The following FARS2 variants were observed in gnomAD, a reference collection of about 807,000 sequenced individuals.
FARS2 encodes the protein phenylalanine--tRNA ligase, mitochondrial.
In FARS2, 40 loss-of-function variants were observed where a neutral mutation model predicts 46.4. That is an observed-to-expected ratio of 0.86 (90% confidence interval 0.67 to 1.12). The LOEUF is 1.12. Ranked by LOEUF, FARS2 falls within the 50% of genes most tolerant of loss-of-function variation. The probability of loss-of-function intolerance (pLI) is 0.00; values close to 1 mark genes in which losing one functional copy is unlikely to be tolerated. For missense variants in FARS2, 513 were observed against 567.9 expected (o/e 0.90, Z 0.98); for synonymous variants, 234 against 214.9 (o/e 1.09, Z -0.78).
rs975217655 is a variant in FARS2 at position 5,633,242 on chromosome 6, G to A, written c.1217+19922G>A. The stretch of plus-strand genomic sequence containing the variant: ...ACCTCCTGAGTAACAAGGACTACAG[G>A]TACATGCCACCATCCCTGGCTTTTT... On this transcript the variant is annotated intron_variant, in intron 6 of 6. Transcript: ENST00000274680. 4.3e-5 allele frequency among the ~76,000 whole-genome samples: 6 copies of A among 141,154 alleles called. No individual in the cohort carries two copies. In the Admixed American group the frequency reaches 4.4e-4, roughly 10 times the overall value. The allele number at this position is 141,154 out of a possible 152,430, so 92.6% of individuals were successfully genotyped here. A position where few individuals can be genotyped will look rare whatever the true frequency, so the allele number is the denominator to read the frequency against.
intron 6 of FARS2, among the ~76,000 whole-genome samples, chr6:5,708,645 C>A (rs913899973): frequency 5.3e-5 from 8 of 151,882 alleles, no homozygotes; most frequent in African/African-American, 1.9e-4. Flanking sequence ...CCTTCTACAC[C>A]CCCACACACC....
intron 2 of FARS2, among the ~76,000 whole-genome samples, chr6:5,382,936 G>A (rs1388226753): frequency 6.6e-6 from 1 of 152,248 alleles, no homozygotes; most frequent in Non-Finnish European, 1.5e-5. Flanking sequence ...TTCTTCCTCA[G>A]CATTTTATTC....
chr6:5,400,017 A>G (rs963418567), intron 2 of FARS2, among the ~76,000 whole-genome samples: 1 of 152,170 alleles, frequency 6.6e-6, no homozygotes, highest in African/African-American at 2.4e-5. Flanking sequence ...ATCAACAAAT[A>G]TGTAGTTTTG....
chr6:5,301,847 A>ACACACAC (rs57552015), intron 1 of FARS2, among the ~76,000 whole-genome samples: 5 of 150,142 alleles, frequency 3.3e-5, no homozygotes, highest in African/African-American at 7.4e-5. Flanking sequence ...ACACACACAC[A>ACACACAC]AAGAAAATGG....
intron 3 of FARS2, among the ~76,000 whole-genome samples, chr6:5,427,646 C>T (rs4960090): frequency 0.16 from 23,959 of 152,062 alleles, 2,547 homozygotes; most frequent in East Asian, 0.46. Flanking sequence ...TCCATTAAAT[C>T]GTTCGTGTTT....
rs138146757 is a variant in FARS2, at chr6:5,549,338, C to A, written c.1065+3998C>A. Among the ~76,000 whole-genome samples, 38 of 152,302 alleles carry A rather than the reference C, an allele frequency of 2.5e-4. No individual in the cohort carries two copies. The East Asian group carries it at 5.6e-3, about 22-fold the overall frequency. ...TAATGTTATCCCTCCCTCTTCCCCCCACTCCACGACAGACCCTGGTGTGTG... is the reference window on the plus strand; with the variant it reads ...TAATGTTATCCCTCCCTCTTCCCCCAACTCCACGACAGACCCTGGTGTGTG... On this transcript the variant is annotated intron_variant, in intron 5 of 6. Coordinates refer to ENST00000274680, the MANE Select transcript of FARS2 (RefSeq NM_006567.5).
At chr6:5,543,537 G>A (rs1008972919) in intron 4 of FARS2, among the ~76,000 whole-genome samples, 2 of 151,950 alleles carry the variant, frequency 1.3e-5, no homozygotes, top group Non-Finnish European at 2.9e-5. Context: ...GCTAAATTTT[G>A]TACTTTTGGT....
At chr6:5,437,909 A>C (rs574180840) in intron 4 of FARS2, among the ~76,000 whole-genome samples, 9 of 152,156 alleles carry the variant, frequency 5.9e-5, no homozygotes, top group Admixed American at 5.9e-4. Context: ...CTTCAATAAG[A>C]AAAACTTTCC....
intron 4 of FARS2, among the ~76,000 whole-genome samples, chr6:5,462,050 C>G (rs1390074305): frequency 6.6e-6 from 1 of 152,162 alleles, no homozygotes; most frequent in Admixed American, 6.5e-5. Flanking sequence ...TCTAGTTTCT[C>G]TACATCTTCA....
intron 4 of FARS2, among the ~76,000 whole-genome samples, chr6:5,535,361 G>A (rs1344892315): frequency 6.6e-6 from 1 of 152,266 alleles, no homozygotes; most frequent in Non-Finnish European, 1.5e-5. Flanking sequence ...TTTGTATCAT[G>A]CAACTTTACT....
At chr6:5,432,241 A>T (rs1302202394) in intron 4 of FARS2, among the ~76,000 whole-genome samples, 1 of 144,994 alleles carries the variant, frequency 6.9e-6, no homozygotes, top group African/African-American at 2.5e-5. Context: ...ACTTGAACCC[A>T]GGAGGCGGAG....
At chr6:5,323,806 C>G (rs1770152100) in intron 1 of FARS2, among the ~76,000 whole-genome samples, 1 of 152,192 alleles carries the variant, frequency 6.6e-6, no homozygotes, top group Admixed American at 6.5e-5. Context: ...TCACCTTGAT[C>G]AGAAACCGCC....
chr6:5,562,695 TACACAC>T (rs35980009), intron 5 of FARS2, among the ~76,000 whole-genome samples: 17 of 135,698 alleles, frequency 1.3e-4, no homozygotes, highest in Non-Finnish European at 2.5e-4. Flanking sequence ...CTGTAATTTA[TACACAC>T]ACACACACAC....
chr6:5,638,559 T>G (rs939145215), intron 6 of FARS2, among the ~76,000 whole-genome samples: 2 of 152,180 alleles, frequency 1.3e-5, no homozygotes, highest in African/African-American at 4.8e-5. Context: ...AGCGAGACTC[T>G]GTCTCAAAAA....
intron 3 of FARS2, among the ~76,000 whole-genome samples, chr6:5,412,318 G>A (rs1761982666): frequency 6.6e-6 from 1 of 152,212 alleles, no homozygotes; most frequent in Non-Finnish European, 1.5e-5. Context: ...CCCTCCATGG[G>A]CCATTCTGAT....
intron 1 of FARS2, among the ~76,000 whole-genome samples, chr6:5,283,955 G>A (rs377599784): frequency 2.4e-4 from 37 of 152,264 alleles, no homozygotes; most frequent in Middle Eastern, 3.4e-3. Flanking sequence ...ATTGCTTGCC[G>A]AAATAAAGGA....
chr6:5,320,973 C>T (rs1276389705), intron 1 of FARS2, among the ~76,000 whole-genome samples: 2 of 152,158 alleles, frequency 1.3e-5, no homozygotes, highest in African/African-American at 4.8e-5. Flanking sequence ...GCCATTTAGA[C>T]CACAGCAGGA....
At chr6:5,253,029 T>C in the FARS2 span, among the ~76,000 whole-genome samples, 11 of 152,240 alleles carry the variant, frequency 7.2e-5, no homozygotes, top group Non-Finnish European at 1.6e-4. Flanking sequence ...CTATGGCCTT[T>C]CCTTTGTACT....
chr6:5,703,116 AC>A lies in FARS2; in HGVS notation c.1218-68174del, dbSNP rs147706633. 8.2e-3 allele frequency among the ~76,000 whole-genome samples: 1,245 copies of A among 152,336 alleles called. 24 individuals are homozygous for A. Among genetic ancestry groups the A allele is most frequent in the African/African-American group, 0.029 (1,192 of 41,564 alleles). ...ACAAATTACTTTTTTTAAAATTGAA[AC>A]ATTTGTCAAAAGCAAATATAGCTGC... On this transcript the variant is annotated intron_variant, in intron 6 of 6. Coordinates refer to ENST00000274680, the MANE Select transcript of FARS2 (RefSeq NM_006567.5).
Sources: gnomAD v4.1 joint callset for allele counts (sites outside exome capture counted in the v4.1 genomes callset) on GRCh38, gnomAD v4.1.1 for gene constraint, MANE v1.5 for transcripts, NCBI Gene and HGNC (gene_info 2026-07-23, HGNC 2026-07-21) for gene names.